NF1: variants seen among roughly 807,000 people sequenced by gnomAD.
The protein encoded by NF1 is neurofibromin.
A neutral mutation model predicts 325.7 loss-of-function variants in NF1; 122 were observed. The ratio of observed to expected loss-of-function variants is 0.37; its 90% CI spans 0.32 to 0.44. The LOEUF (loss-of-function observed/expected upper bound fraction) is 0.44. Ranked by LOEUF, NF1 falls within the 20% of genes least tolerant of loss-of-function variation. NF1 has a pLI of 1.00. For synonymous variants in NF1, 1,091 were observed against 1,186.0 expected, an observed-to-expected ratio of 0.92 and a Z score of 1.65; for missense variants, 2,140 against 3,415.4, an observed-to-expected ratio of 0.63 and a Z score of 9.31.
intron 9 of NF1, 121 bp downstream of exon 9, chr17:31,200,716 A>G: frequency 8.7e-7 from 1 of 1,152,466 alleles, no homozygotes; most frequent in Non-Finnish European, 1.3e-6. Context: ...TGATAAGTTC[A>G]TAGGACTTGC....
intron 5 of NF1, among the ~76,000 whole-genome samples, chr17:31,180,939 C>T (rs989020515): frequency 6.6e-6 from 1 of 152,068 alleles, no homozygotes; most frequent in African/African-American, 2.4e-5. Context: ...ACAAGCATTC[C>T]TATACACCAA....
intron 1 of NF1, among the ~76,000 whole-genome samples, chr17:31,100,301 C>T (rs1202836647): frequency 6.6e-6 from 1 of 152,078 alleles, no homozygotes; most frequent in East Asian, 1.9e-4. Context: ...AAACCACATA[C>T]TGATTAGACA....
At chr17:31,227,929 T>C (rs1222882992) in intron 20 of NF1, among the ~76,000 whole-genome samples, 2 of 152,236 alleles carry the variant, frequency 1.3e-5, no homozygotes, top group Non-Finnish European at 2.9e-5. Flanking sequence ...GTTCCTGTCA[T>C]CACAGAAATA....
At chr17:31,311,038 C>A (rs1276331844) in intron 36 of NF1, among the ~76,000 whole-genome samples, 1 of 151,274 alleles carries the variant, frequency 6.6e-6, no homozygotes, top group Non-Finnish European at 1.5e-5. Flanking sequence ...CCTCTGCCTC[C>A]TGGGCTCAAG....
chr17:31,181,137 G>T (rs2066123994), intron 5 of NF1, among the ~76,000 whole-genome samples: 1 of 152,164 alleles, frequency 6.6e-6, no homozygotes, highest in African/African-American at 2.4e-5. Context: ...TGGATAGGAG[G>T]AACCAATATC....
rs2067092609 is a variant in NF1, at chr17:31,230,355, T to C, written c.3086T>C (p.Leu1029Pro). Residue 1029 changes from leucine (L) to proline (P), a missense_variant, in exon 23 of 58, where the codon CTC (leucine) becomes CCC (proline). Leu to Pro is a moderately conservative substitution (Grantham distance 98). This residue lies in a region of NF1 where 380 missense variants were observed against 639.3 expected (regional missense o/e 0.59). Transcript: ENST00000358273. ...VEVMMARRDD[L>P]SFCQEMKFRN... ...GTAATGATGGCAAGGAGAGATGACCTCTCATTTTGCCAAGAGATGAAATTT... is the reference window on the plus strand; with the variant it reads ...GTAATGATGGCAAGGAGAGATGACCCCTCATTTTGCCAAGAGATGAAATTT... 6.2e-7 allele frequency: 1 copy of C among 1,613,512 alleles called. No individual in the cohort carries two copies. Among genetic ancestry groups the C allele is most frequent in the Non-Finnish European group, 8.5e-7 (1 of 1,179,594 alleles).
At chr17:31,335,791 A>G (rs1597841559) in intron 40 of NF1, among the ~76,000 whole-genome samples, 1 of 143,378 alleles carries the variant, frequency 7.0e-6, no homozygotes, top group South Asian at 2.2e-4. Context: ...TGACCCTTCC[A>G]CCTCAGCCTC....
At chr17:31,367,258 T>C in intron 57 of NF1, 7 of 1,312,844 alleles carry the variant, frequency 5.3e-6, no homozygotes, top group African/African-American at 1.5e-5. Flanking sequence ...GCAGTTTTCA[T>C]GCAGCTGTTC....
intron 36 of NF1, among the ~76,000 whole-genome samples, chr17:31,273,996 A>G (rs1156420079): frequency 2.6e-5 from 4 of 152,182 alleles, no homozygotes; most frequent in Non-Finnish European, 5.9e-5. Flanking sequence ...GAACATCTGT[A>G]CATATGTTTA....
At chr17:31,313,229 T>C (rs1301000717) in intron 36 of NF1, among the ~76,000 whole-genome samples, 1 of 152,216 alleles carries the variant, frequency 6.6e-6, no homozygotes, top group Non-Finnish European at 1.5e-5. Flanking sequence ...TACAAAAATT[T>C]TAATTTATGC....
chr17:31,252,545 A>C (rs2151455405), intron 30 of NF1: 1 of 222,740 alleles, frequency 4.5e-6, no homozygotes, highest in East Asian at 7.0e-5. Context: ...CATACCAAGA[A>C]AAAATTATGT....
At chr17:31,349,415 A>G (rs1451646620) in intron 49 of NF1, among the ~76,000 whole-genome samples, 164 bp downstream of exon 49, 2 of 152,150 alleles carry the variant, frequency 1.3e-5, no homozygotes, top group African/African-American at 2.4e-5. Flanking sequence ...TTGCCAGAAC[A>G]TTTTTCTGTA....
intron 57 of NF1, among the ~76,000 whole-genome samples, chr17:31,361,981 A>G (rs549629444): frequency 6.6e-6 from 1 of 152,276 alleles, no homozygotes; most frequent in East Asian, 1.9e-4. Flanking sequence ...TTTCCCATGT[A>G]ACAAGGTTTG....
intron 36 of NF1, chr17:31,273,766 T>C (rs1195086972): frequency 6.6e-6 from 1 of 152,166 alleles, no homozygotes; most frequent in Non-Finnish European, 1.5e-5. Flanking sequence ...TATAAACAGA[T>C]AGACTTTGGC....
intron 36 of NF1, chr17:31,305,165 G>A: frequency 6.2e-7 from 1 of 1,614,178 alleles, no homozygotes; most frequent in Non-Finnish European, 8.5e-7. Context: ...GATGATGATT[G>A]TTGAGTAAAA....
intron 15 of NF1, chr17:31,222,567 C>G (rs1462046703): frequency 9.8e-7 from 1 of 1,018,596 alleles, no homozygotes; most frequent in Non-Finnish European, 1.2e-6. Flanking sequence ...GTGCTGTCCA[C>G]TAGTAATATA....
At chr17:31,114,761 C>T (rs1411488904) in intron 1 of NF1, among the ~76,000 whole-genome samples, 1 of 150,630 alleles carries the variant, frequency 6.6e-6, no homozygotes, top group East Asian at 2.0e-4. Context: ...GGCTGAGGCA[C>T]AAGAATCACT....
At chr17:31,322,094 T>TACACACACACAC (rs71142046) in intron 36 of NF1, among the ~76,000 whole-genome samples, 1,774 of 147,388 alleles carry the variant, frequency 0.012, 17 homozygotes, top group African/African-American at 0.031. Flanking sequence ...AGTGTGTGTA[T>TACACACACACAC]ACACACACAC....
rs758691069 is a variant in NF1 at position 31,226,465 on chromosome 17, C to G, written c.2032C>G (p.Pro678Ala). The change falls in exon 18 of 58, where the codon CCG becomes GCG. Residue 678 changes from proline (P) to alanine (A), a missense_variant. Coordinates refer to ENST00000358273, the MANE Select transcript of NF1 (RefSeq NM_001042492.3). ...TGCAGCAGGATGCAGCGGAACCCCC[C>G]CGATTTGCCGACAAGCCCAGACCAA... ...DSAAGCSGTPPICRQAQTKLE... is the reference protein window; with the variant it reads ...DSAAGCSGTPAICRQAQTKLE... 19 of 1,613,608 alleles carry G rather than the reference C, an allele frequency of 1.2e-5. No individual in the cohort carries two copies. In the African/African-American group the frequency reaches 1.2e-4, roughly 10 times the overall value.
Sources: gnomAD v4.1 joint callset for allele counts (sites outside exome capture counted in the v4.1 genomes callset) on GRCh38, gnomAD v4.1.1 for gene constraint, gnomAD v4.1.1 regional missense constraint, MANE v1.5 for transcripts, NCBI Gene and HGNC (gene_info 2026-07-23, HGNC 2026-07-21) for gene names.